The following CDKAL1 variants were observed in gnomAD, a reference collection of about 807,000 sequenced individuals.
CDKAL1 encodes CDKAL1 threonylcarbamoyladenosine tRNA methylthiotransferase, also known as threonylcarbamoyladenosine tRNA methylthiotransferase.
CDKAL1 carries 32 observed loss-of-function variants against 68.2 expected under a neutral mutation model. That is an observed-to-expected ratio of 0.47 (90% CI 0.35 to 0.63). The LOEUF (loss-of-function observed/expected upper bound fraction) is 0.63, where lower values mean the gene tolerates loss of function less well. Ranked by LOEUF, CDKAL1 falls within the 30% of genes least tolerant of loss-of-function variation. CDKAL1 has a pLI of 0.00. For missense variants in CDKAL1, 606 were observed against 696.7 expected (o/e 0.87, Z 1.47); for synonymous variants, 234 against 244.3 (o/e 0.96, Z 0.39).
rs142087394 is a variant in CDKAL1, at chr6:20,571,090, C to T, written c.286+22385C>T. Among the ~76,000 whole-genome samples the T allele has an allele frequency of 1.8e-3, 268 of 152,164 alleles. 1 individual carries two copies. The highest frequency in any genetic ancestry group is 6.1e-3 in the African/African-American group (254 of 41,510). On this transcript the variant is annotated intron_variant, in intron 4 of 15. Coordinates refer to ENST00000274695, the MANE Select transcript of CDKAL1 (RefSeq NM_017774.3). ...TGGAAGGGGAAGCTTATGTGAATCT[C>T]TAAAAAGAGAATTATATTGATGTTA...
chr6:20,736,472 C>A (rs1652236054), intron 5 of CDKAL1, among the ~76,000 whole-genome samples: 1 of 152,068 alleles, frequency 6.6e-6, no homozygotes, highest in African/African-American at 2.4e-5. Context: ...TCATCATCAT[C>A]TTTTTAAAAA....
rs144549954 is a variant in CDKAL1, at chr6:20,931,608, G to T, written c.743-23811G>T. 4.1e-3 allele frequency among the ~76,000 whole-genome samples: 621 copies of T among 152,260 alleles called. 8 individuals are homozygous for T. The highest frequency in any genetic ancestry group is 0.014 in the African/African-American group (568 of 41,548). On this transcript the variant is annotated intron_variant, in intron 9 of 15. Coordinates refer to ENST00000274695, the MANE Select transcript of CDKAL1 (RefSeq NM_017774.3). ...TATCTTTAGAACACATTCTAAAGAT[G>T]ATTTCCAACTCACAGTAATATTGGG...
chr6:21,180,632 A>AT lies in CDKAL1; in HGVS notation c.1300-17379dup, dbSNP rs933513416. Among the ~76,000 whole-genome samples the AT allele has an allele frequency of 1.0e-3, 151 of 149,624 alleles. 1 individual carries two copies. The highest frequency in any genetic ancestry group is 3.2e-3 in the African/African-American group (131 of 40,886). On this transcript the variant is annotated intron_variant, in intron 13 of 15. Transcript: ENST00000274695. ...AATTTAAAAACTTTTTTCCAGATAC[A>AT]TTTTTTTTTTACTATGTATGAGTCA...
chr6:21,067,666 C>G (rs1331798909), intron 12 of CDKAL1, among the ~76,000 whole-genome samples: 1 of 152,010 alleles, frequency 6.6e-6, no homozygotes, highest in Non-Finnish European at 1.5e-5. Context: ...CAGGGTTCTT[C>G]TTGTTTTTTT....
At chr6:20,852,677 CAG>C (rs1311511496) in intron 9 of CDKAL1, among the ~76,000 whole-genome samples, 6 of 152,158 alleles carry the variant, frequency 3.9e-5, no homozygotes, top group Non-Finnish European at 7.4e-5. Flanking sequence ...GTGGCAGAAA[CAG>C]AGTATAATTT....
At chr6:21,206,034 G>A (rs917146745) in intron 15 of CDKAL1, among the ~76,000 whole-genome samples, 39 of 143,896 alleles carry the variant, frequency 2.7e-4, no homozygotes, top group African/African-American at 9.2e-4. Flanking sequence ...TAGTAGAGAC[G>A]GGGTTTCACC....
intron 13 of CDKAL1, among the ~76,000 whole-genome samples, chr6:21,185,754 T>C (rs572322005): frequency 1.6e-4 from 24 of 152,186 alleles, no homozygotes; most frequent in East Asian, 5.8e-4. Context: ...AAGGGAGAAA[T>C]AGAATAGGTG....
intron 15 of CDKAL1, among the ~76,000 whole-genome samples, chr6:21,225,918 C>CACTT (rs1299618347): frequency 6.6e-6 from 1 of 152,172 alleles, no homozygotes; most frequent in African/African-American, 2.4e-5. Flanking sequence ...ATGTTCAGAA[C>CACTT]ACTTAATCTA....
chr6:21,188,317 T>TC (rs1418285145), intron 13 of CDKAL1, among the ~76,000 whole-genome samples: 2 of 152,210 alleles, frequency 1.3e-5, no homozygotes, highest in Admixed American at 6.5e-5. Flanking sequence ...TTATATTTCC[T>TC]CCAAGTATTT....
chr6:20,906,594 T>C (rs975646105), intron 9 of CDKAL1, among the ~76,000 whole-genome samples: 1 of 152,136 alleles, frequency 6.6e-6, no homozygotes, highest in Admixed American at 6.6e-5. Context: ...GTCCATACAC[T>C]CCTCAACTTA....
chr6:20,930,684 G>A (rs1763400921), intron 9 of CDKAL1, among the ~76,000 whole-genome samples: 1 of 151,352 alleles, frequency 6.6e-6, no homozygotes, highest in Non-Finnish European at 1.5e-5. Context: ...AGTGGGAAGT[G>A]TTTATATGGA....
intron 4 of CDKAL1, among the ~76,000 whole-genome samples, chr6:20,555,988 A>C (rs1158445661): frequency 1.3e-5 from 2 of 152,148 alleles, no homozygotes; most frequent in East Asian, 3.9e-4. Flanking sequence ...GGTGGAAAGA[A>C]GGGGGTATAT....
intron 15 of CDKAL1, among the ~76,000 whole-genome samples, chr6:21,206,456 T>C (rs1477179508): frequency 6.6e-6 from 1 of 152,354 alleles, no homozygotes; most frequent in East Asian, 1.9e-4. Flanking sequence ...GTCTGGCCTA[T>C]GTTATAACAC....
intron 8 of CDKAL1, among the ~76,000 whole-genome samples, chr6:20,810,367 G>GTCTCTCTCTC (rs5874785): frequency 2.2e-5 from 3 of 136,296 alleles, no homozygotes; most frequent in South Asian, 2.6e-4. Context: ...CATAGTGAGA[G>GTCTCTCTCTC]TCTCTCTCTC....
At chr6:20,921,850 C>T (rs1179212310) in intron 9 of CDKAL1, among the ~76,000 whole-genome samples, 2 of 152,176 alleles carry the variant, frequency 1.3e-5, no homozygotes, top group Non-Finnish European at 2.9e-5. Flanking sequence ...ACCCTCCCTC[C>T]GTAGTTTCTC....
intron 8 of CDKAL1, among the ~76,000 whole-genome samples, chr6:20,823,987 G>C (rs1777396310): frequency 6.6e-6 from 1 of 152,090 alleles, no homozygotes; most frequent in Admixed American, 6.6e-5. Flanking sequence ...GATGTTCTTG[G>C]GGCAAATGGG....
intron 9 of CDKAL1, among the ~76,000 whole-genome samples, chr6:20,911,541 A>G (rs1218075193): frequency 6.6e-6 from 1 of 152,222 alleles, no homozygotes; most frequent in Non-Finnish European, 1.5e-5. Context: ...TTTACCAAGA[A>G]TTAAAGGAAT....
At chr6:21,074,954 T>A (rs1771985642) in intron 12 of CDKAL1, among the ~76,000 whole-genome samples, 1 of 152,016 alleles carries the variant, frequency 6.6e-6, no homozygotes, top group African/African-American at 2.4e-5. Context: ...GTTTTTTTTT[T>A]AATCCTTCAC....
At chr6:20,971,556 C>T (rs1325713294) in intron 10 of CDKAL1, among the ~76,000 whole-genome samples, 1 of 152,136 alleles carries the variant, frequency 6.6e-6, no homozygotes, top group Non-Finnish European at 1.5e-5. Flanking sequence ...TTGAAATCTG[C>T]AGTACATTGT....
Sources: allele counts gnomAD v4.1 joint callset (sites outside exome capture counted in the v4.1 genomes callset), GRCh38; gene constraint gnomAD v4.1.1; transcripts MANE v1.5; gene names NCBI Gene and HGNC (gene_info 2026-07-23, HGNC 2026-07-21).